MED12L: variants seen among roughly 807,000 people sequenced by gnomAD.
The protein encoded by MED12L is mediator complex subunit 12L.
A neutral mutation model predicts 281.3 loss-of-function variants in MED12L; 60 were observed. That is an observed-to-expected ratio of 0.21 (90% CI 0.17 to 0.26). MED12L has a LOEUF of 0.26. MED12L is among the 10% of genes least tolerant of loss of function. The probability of loss-of-function intolerance (pLI) is 1.00; values close to 1 mark genes in which losing one functional copy is unlikely to be tolerated. For missense variants in MED12L, 2,146 were observed against 2,680.9 expected, an observed-to-expected ratio of 0.80 and a Z score of 4.41; for synonymous variants, 974 against 987.2, an observed-to-expected ratio of 0.99 and a Z score of 0.25.
chr3:151,166,436 G>A (rs1327455895), intron 11 of MED12L, among the ~76,000 whole-genome samples: 2 of 151,990 alleles, frequency 1.3e-5, no homozygotes, highest in African/African-American at 2.4e-5. Flanking sequence ...GAAAAAAAGT[G>A]TGTGTTAAGT....
chr3:151,410,576 G>T (rs1219179440), intron 40 of MED12L, among the ~76,000 whole-genome samples: 1 of 152,178 alleles, frequency 6.6e-6, no homozygotes, highest in Non-Finnish European at 1.5e-5. Context: ...CAGAACTTCA[G>T]GTTTCTCTTT....
intron 16 of MED12L, chr3:151,198,776 C>T (rs753318479): frequency 8.7e-6 from 14 of 1,613,544 alleles, no homozygotes; most frequent in South Asian, 2.2e-5. Context: ...GTAGAGCTGT[C>T]GAATTACAAG....
At chr3:151,274,963 G>A (rs1188326315) in intron 16 of MED12L, among the ~76,000 whole-genome samples, 1 of 152,174 alleles carries the variant, frequency 6.6e-6, no homozygotes, top group African/African-American at 2.4e-5. Flanking sequence ...TCTGTAGCAG[G>A]ATGGAAATGT....
intron 2 of MED12L, among the ~76,000 whole-genome samples, chr3:151,100,133 C>T (rs747093748): frequency 3.3e-5 from 5 of 152,172 alleles, no homozygotes; most frequent in Non-Finnish European, 5.9e-5. Flanking sequence ...TAGCTTTGAC[C>T]TTGTTATAAA....
chr3:151,170,628 C>A (rs1299618096), intron 11 of MED12L, among the ~76,000 whole-genome samples: 1 of 152,134 alleles, frequency 6.6e-6, no homozygotes, highest in Non-Finnish European at 1.5e-5. Context: ...CGCCCCATTT[C>A]CTTGGCCACT....
intron 5 of MED12L, among the ~76,000 whole-genome samples, chr3:151,141,178 G>GTTTTTT (rs370095367): frequency 0.13 from 13,356 of 100,928 alleles, 1,083 homozygotes; most frequent in East Asian, 0.21. Context: ...TTTTTTTTTT[G>GTTTTTT]TTTTTTTTGT....
intron 11 of MED12L, among the ~76,000 whole-genome samples, chr3:151,171,193 A>T (rs1204213995): frequency 6.6e-6 from 1 of 152,150 alleles, no homozygotes; most frequent in East Asian, 1.9e-4. Flanking sequence ...ATCCACACAA[A>T]GGAGTCGTTA....
At chr3:151,098,515 C>G (rs1009242463) in intron 2 of MED12L, among the ~76,000 whole-genome samples, 1 of 152,172 alleles carries the variant, frequency 6.6e-6, no homozygotes, top group East Asian at 1.9e-4. Context: ...CCTGTGGTGG[C>G]TCCAGGTGTT....
In MED12L at chr3:151,357,229, G is replaced by GTGT; in HGVS notation, c.2682_2684dup (p.Val895dup). ...CTGTTACAGTTACTAAATGAACTGA[G>GTGT]TGTTGTGGAAGCTGAACTGCTCCTA... On this transcript the variant is annotated inframe_insertion, in exon 20 of 45. Coordinates refer to ENST00000687756, the MANE Select transcript of MED12L (RefSeq NM_001393769.1). The GTGT allele has an allele frequency of 6.2e-7, 1 of 1,608,678 alleles. No individual in the cohort carries two copies. Among genetic ancestry groups the GTGT allele is most frequent in the Non-Finnish European group, 8.5e-7 (1 of 1,177,628 alleles).
At position 151,383,286 on chromosome 3, in the gene MED12L, CT is replaced by C. The variant is rs1039354566; in HGVS notation, c.4681-491del. 6.1e-4 allele frequency among the ~76,000 whole-genome samples: 93 copies of C among 152,316 alleles called. 1 individual carries two copies. Among genetic ancestry groups the C allele is most frequent in the African/African-American group, 2.2e-3 (91 of 41,566 alleles). The stretch of plus-strand genomic sequence containing the variant: ...TGATACTTTTGCAGTTGTTTCTAAC[CT>C]TGTCCCAACACGTGAACTGGTAGGT... On this transcript the variant is annotated intron_variant, in intron 33 of 44. Transcript: ENST00000687756.
intron 16 of MED12L, among the ~76,000 whole-genome samples, chr3:151,202,030 A>T (rs1356237117): frequency 6.6e-6 from 1 of 152,264 alleles, no homozygotes; most frequent in Non-Finnish European, 1.5e-5. Flanking sequence ...CTGACGATAT[A>T]TACCGTACAT....
chr3:151,101,106 A>G (rs1721332766), intron 2 of MED12L, among the ~76,000 whole-genome samples: 1 of 152,224 alleles, frequency 6.6e-6, no homozygotes, highest in African/African-American at 2.4e-5. Context: ...AGGACCAGTG[A>G]CAGTATCAGA....
At chr3:151,328,464 T>G in intron 16 of MED12L, 1 of 1,614,028 alleles carries the variant, frequency 6.2e-7, no homozygotes, top group Non-Finnish European at 8.5e-7. Context: ...AGAGGCCCCT[T>G]TAAGGAAGCA....
chr3:151,279,704 GGATGT>G (rs1415772578), intron 16 of MED12L, among the ~76,000 whole-genome samples: 1 of 152,196 alleles, frequency 6.6e-6, no homozygotes, highest in African/African-American at 2.4e-5. Context: ...AAGGACAAGT[GGATGT>G]GAGGAGGAGC....
At chr3:151,409,407 G>A in intron 40 of MED12L, 75 bp downstream of exon 40, 5 of 1,282,826 alleles carry the variant, frequency 3.9e-6, no homozygotes, top group Admixed American at 1.7e-5. Context: ...TAAGTAAATA[G>A]AATATATCAA....
chr3:151,165,793 A>G (rs949820021), intron 10 of MED12L, 53 bp from the exon 11 acceptor site: 4 of 1,569,184 alleles, frequency 2.5e-6, no homozygotes, highest in African/African-American at 1.4e-5. Context: ...GTACTGTGTT[A>G]TAACTGTGTT....
At chr3:151,260,194 TAAAG>T (rs1257116778) in intron 16 of MED12L, among the ~76,000 whole-genome samples, 4 of 152,118 alleles carry the variant, frequency 2.6e-5, no homozygotes, top group East Asian at 3.8e-4. Context: ...TGTTTAAAAA[TAAAG>T]AAAAGAGCCG....
At chr3:151,300,398 A>G (rs1464989160) in intron 16 of MED12L, among the ~76,000 whole-genome samples, 2 of 152,192 alleles carry the variant, frequency 1.3e-5, no homozygotes, top group Non-Finnish European at 2.9e-5. Flanking sequence ...GACTTTGGCT[A>G]CATACCTTAA....
chr3:151,219,891 ACCC>A (rs141293857), intron 16 of MED12L, among the ~76,000 whole-genome samples: 3,393 of 91,988 alleles, frequency 0.037, 100 homozygotes, highest in African/African-American at 0.063. Flanking sequence ...GGTTTATATT[ACCC>A]CCCCCCCCCC....
Sources: gnomAD v4.1 joint callset for allele counts (sites outside exome capture counted in the v4.1 genomes callset) on GRCh38, gnomAD v4.1.1 for gene constraint, MANE v1.5 for transcripts, NCBI Gene and HGNC (gene_info 2026-07-23, HGNC 2026-07-21) for gene names.